The following TRIM56 variants were observed in gnomAD, a reference collection of about 807,000 sequenced individuals.
TRIM56 encodes the protein E3 ubiquitin-protein ligase TRIM56.
Under a neutral mutation model 17.1 loss-of-function variants are expected in TRIM56, and 10 were observed. The observed-to-expected ratio is 0.58, with a 90% CI of 0.36 to 0.99. The LOEUF (loss-of-function observed/expected upper bound fraction) is 0.99, where lower values mean the gene tolerates loss of function less well. Ranked by LOEUF, TRIM56 falls within the 50% of genes least tolerant of loss-of-function variation. The probability of loss-of-function intolerance (pLI) is 0.01; values close to 1 mark genes in which losing one functional copy is unlikely to be tolerated. For synonymous variants in TRIM56, 503 were observed against 473.5 expected, an observed-to-expected ratio of 1.06 and a Z score of -0.81; for missense variants, 923 against 1,052.3, an observed-to-expected ratio of 0.88 and a Z score of 1.70.
chr7:101,088,967 C>A lies in TRIM56; in HGVS notation c.1655C>A (p.Pro552His), dbSNP rs1795512390. The change falls in exon 3 of 3, where the codon CCT (proline) becomes CAT (histidine). Residue 552 changes from proline to histidine, a missense_variant. Transcript: ENST00000306085. Reference sequence around the variant, plus strand: ...GTGCCGGTCCCTGAGGGCTGCTCCCCTTGCAGCGTGGCCGCCCTGCAGAGC... The same window carrying A: ...GTGCCGGTCCCTGAGGGCTGCTCCCATTGCAGCGTGGCCGCCCTGCAGAGC... ...GTVPVPEGCSPCSVAALQSAV... is the reference protein window; with the variant it reads ...GTVPVPEGCSHCSVAALQSAV... The A allele has an allele frequency of 1.2e-6, 2 of 1,612,526 alleles. No individual in the cohort carries two copies. Among genetic ancestry groups the A allele is most frequent in the South Asian group, 1.1e-5 (1 of 91,088 alleles).
In TRIM56 at chr7:101,091,033, G is replaced by A. The variant is rs1300642459; in HGVS notation, c.*1453G>A. On this transcript the variant is annotated 3_prime_UTR_variant, in exon 3 of 3. Transcript: ENST00000306085. Reference sequence around the variant, plus strand: ...TGGAGGTGCCAAGAAAACCTAGAAGGTGCAATGGGGCTGCGACGGATAGAG... The same window carrying A: ...TGGAGGTGCCAAGAAAACCTAGAAGATGCAATGGGGCTGCGACGGATAGAG... 6.6e-6 allele frequency: 1 copy of A among 152,276 alleles called. No individual in the cohort carries two copies. Among genetic ancestry groups the A allele is most frequent in the Non-Finnish European group, 1.5e-5 (1 of 68,092 alleles). 9.4% of individuals were successfully genotyped at this position (152,276 alleles called of 1,614,324 possible).
In TRIM56 at chr7:101,096,027, A is replaced by G. The variant is rs1375320619; in HGVS notation, c.*6447A>G. 1 of 152,174 alleles carries G rather than the reference A, an allele frequency of 6.6e-6. No individual in the cohort carries two copies. Among genetic ancestry groups the G allele is most frequent in the African/African-American group, 2.4e-5 (1 of 41,428 alleles). 9.4% of individuals were successfully genotyped at this position (152,174 alleles called of 1,614,324 possible). Reference sequence around the variant, plus strand: ...ACATGGTGAAACCCCCATCTCTACTAAAAATACAAAAATTAGCCAGGCGTG... The same window carrying G: ...ACATGGTGAAACCCCCATCTCTACTGAAAATACAAAAATTAGCCAGGCGTG... On this transcript the variant is annotated 3_prime_UTR_variant, in exon 3 of 3. Coordinates refer to ENST00000306085, the MANE Select transcript of TRIM56 (RefSeq NM_030961.3).
At position 101,091,544 on chromosome 7, in the gene TRIM56, T is replaced by C; in HGVS notation, c.*1964T>C. The C allele has an allele frequency of 3.0e-6, 1 of 327,982 alleles. No individual in the cohort carries two copies. The highest frequency in any genetic ancestry group is 2.3e-5 in the South Asian group (1 of 44,064). 20.3% of individuals were successfully genotyped at this position (327,982 alleles called of 1,614,324 possible). ...GAGTTCGAGACCAGCCTGGCCAACATGGAGAAACCCCATCTCTACTAAAAA... is the reference window on the plus strand; with the variant it reads ...GAGTTCGAGACCAGCCTGGCCAACACGGAGAAACCCCATCTCTACTAAAAA... On this transcript the variant is annotated 3_prime_UTR_variant, in exon 3 of 3. Transcript: ENST00000306085.
rs776799116 is a variant in TRIM56, at chr7:101,087,741, C to A, written c.429C>A (p.Thr143=). The stretch of plus-strand genomic sequence containing the variant: ...ACCGCTGCACCCGCCAGACCCACAC[C>A]CACCGCGTGGTGGACCTGGTGGGCT... The part of the protein sequence containing the change: ...DGHRCTRQTH[T]HRVVDLVGYR... Residue 143 remains threonine, a synonymous_variant, in exon 3 of 3, where the codon ACC becomes ACA. Coordinates refer to ENST00000306085, the MANE Select transcript of TRIM56 (RefSeq NM_030961.3). 1 of 1,602,554 alleles carries A rather than the reference C, an allele frequency of 6.2e-7. No homozygotes were observed. Among genetic ancestry groups the A allele is most frequent in the Non-Finnish European group, 8.5e-7 (1 of 1,175,730 alleles).
chr7:101,088,806 CA>C lies in TRIM56; in HGVS notation c.1495del (p.Thr499ArgfsTer33), dbSNP rs1562837936. On this transcript the variant is annotated frameshift_variant, in exon 3 of 3. Transcript: ENST00000306085. LOFTEE classifies it high-confidence loss of function. ...GACCCATCTTTTACTGCAGTTTCCC[CA>C]CGCGGATGCCTGGAGACAAGCGGTC... ...PRPIFYCSFP[T>X]RMPGDKRSPR... 4 of 1,613,728 alleles carry C rather than the reference CA, an allele frequency of 2.5e-6. No individual in the cohort carries two copies. The South Asian group carries it at 4.4e-5, about 18-fold the overall frequency.
rs1395851701 is a variant in TRIM56, at chr7:101,087,763, G to A, written c.451G>A (p.Gly151Ser). The A allele has an allele frequency of 6.2e-7, 1 of 1,606,196 alleles. No homozygotes were observed. The highest frequency in any genetic ancestry group is 1.7e-5 in the Admixed American group (1 of 59,652). Reference sequence around the variant, plus strand: ...CACCCACCGCGTGGTGGACCTGGTGGGCTACAGGGCCGGGTGGTATGATGA... The same window carrying A: ...CACCCACCGCGTGGTGGACCTGGTGAGCTACAGGGCCGGGTGGTATGATGA... ...THTHRVVDLV[G>S]YRAGWYDEEA... The change falls in exon 3 of 3, where the codon GGC becomes AGC. Residue 151 changes from glycine to serine, a missense_variant. Around this residue, in one of 3 missense-constraint regions of TRIM56, gnomAD observed 643 missense variants for 665.6 expected, o/e 0.97. Coordinates refer to ENST00000306085, the MANE Select transcript of TRIM56 (RefSeq NM_030961.3).
At position 101,087,534 on chromosome 7, in the gene TRIM56, G is replaced by C. The variant is rs771335768; in HGVS notation, c.222G>C (p.Lys74Asn). The C allele has an allele frequency of 6.2e-7, 1 of 1,613,310 alleles. No individual in the cohort carries two copies. Among genetic ancestry groups the C allele is most frequent in the African/African-American group, 1.3e-5 (1 of 75,042 alleles). The change falls in exon 3 of 3, where the codon AAG becomes AAC. Residue 74 changes from lysine (K) to asparagine (N), a missense_variant. Physicochemically the swap from Lys to Asn is moderately conservative, Grantham distance 94 (BLOSUM62 0). This residue lies in a region of TRIM56 where 98 missense variants were observed against 143.6 expected (regional missense o/e 0.68). Transcript: ENST00000306085. ...CGCCCGAGGGTGTGGCCTCCTTCAA[G>C]ACCAACTTCTTCGTCAATGGGCTGC... is the stretch of plus-strand genomic sequence containing the variant. ...PVPPEGVASF[K>N]TNFFVNGLLD...
rs956067296 is a variant in TRIM56, at chr7:101,092,918, T to G, written c.*3338T>G. The G allele has an allele frequency of 2.2e-5, 4 of 182,520 alleles. No individual in the cohort carries two copies. The highest frequency in any genetic ancestry group is 2.2e-5 in the Non-Finnish European group (2 of 90,610). 11.3% of individuals were successfully genotyped at this position (182,520 alleles called of 1,614,324 possible). A position where few individuals can be genotyped will look rare whatever the true frequency, so the allele number is the denominator to read the frequency against. ...AAAAGGGGGAAAGGTGGGGAAAAGATAGAGAAATCAGATTGTTGCCGTGTC... is the reference window on the plus strand; with the variant it reads ...AAAAGGGGGAAAGGTGGGGAAAAGAGAGAGAAATCAGATTGTTGCCGTGTC... On this transcript the variant is annotated 3_prime_UTR_variant, in exon 3 of 3. Coordinates refer to ENST00000306085, the MANE Select transcript of TRIM56 (RefSeq NM_030961.3).
rs749169864 is a variant in TRIM56, at chr7:101,089,610, G to A, written c.*30G>A. 2 of 1,576,704 alleles carry A rather than the reference G, an allele frequency of 1.3e-6. No homozygotes were observed. The highest frequency in any genetic ancestry group is 1.7e-6 in the Non-Finnish European group (2 of 1,155,398). On this transcript the variant is annotated 3_prime_UTR_variant, in exon 3 of 3. Transcript: ENST00000306085. ...GCTAGGACTAGGGTGAGAGGGAGTG[G>A]GGAGGGAGAGGGCAGGAAGGAGGCA...
chr7:101,090,519 G>A lies in TRIM56; in HGVS notation c.*939G>A, dbSNP rs1358612580. 6.7e-6 allele frequency: 1 copy of A among 149,720 alleles called. No individual in the cohort carries two copies. The highest frequency in any genetic ancestry group is 2.5e-5 in the African/African-American group (1 of 40,614). The allele number at this position is 149,720 out of a possible 1,614,324, so 9.3% of individuals were successfully genotyped here. A position where few individuals can be genotyped will look rare whatever the true frequency, so the allele number is the denominator to read the frequency against. ...TATGCCTTTCAACGTAGCTACTCAGGAGGCTGAGGTGGGAGGATCCCTTGA... is the reference window on the plus strand; with the variant it reads ...TATGCCTTTCAACGTAGCTACTCAGAAGGCTGAGGTGGGAGGATCCCTTGA... On this transcript the variant is annotated 3_prime_UTR_variant, in exon 3 of 3. Transcript: ENST00000306085.
At position 101,089,390 on chromosome 7, in the gene TRIM56, T is replaced by C; in HGVS notation, c.2078T>C (p.Phe693Ser). ...SVSVDKKGYI[F>S]LTLREVNKVV... ...TCTGTGGATAAGAAGGGCTACATCT[T>C]TCTGACCCTTCGAGAAGTCAACAAG... Residue 693 changes from phenylalanine (F) to serine (S), a missense_variant, in exon 3 of 3, where the codon TTT becomes TCT. This residue lies in a region of TRIM56 where 182 missense variants were observed against 243.1 expected (regional missense o/e 0.75). Coordinates refer to ENST00000306085, the MANE Select transcript of TRIM56 (RefSeq NM_030961.3). 1 of 1,614,004 alleles carries C rather than the reference T, an allele frequency of 6.2e-7. No homozygotes were observed. Among genetic ancestry groups the C allele is most frequent in the Non-Finnish European group, 8.5e-7 (1 of 1,179,878 alleles).
In TRIM56 at chr7:101,087,013, A is replaced by G; in HGVS notation, c.-157A>G. 1 of 391,848 alleles carries G rather than the reference A, an allele frequency of 2.6e-6. No individual in the cohort carries two copies. 24.3% of individuals were successfully genotyped at this position (391,848 alleles called of 1,614,324 possible). A position where few individuals can be genotyped will look rare whatever the true frequency, so the allele number is the denominator to read the frequency against. On this transcript the variant is annotated 5_prime_UTR_variant, in exon 2 of 3. Transcript: ENST00000306085. ...GACTCCTGGTCTTGTCAGTTCTCACAGGTCTGACCCAACAAGTAGCACTGA... is the reference window on the plus strand; with the variant it reads ...GACTCCTGGTCTTGTCAGTTCTCACGGGTCTGACCCAACAAGTAGCACTGA...
rs768210463 is a variant in TRIM56 at position 101,087,596 on chromosome 7, G to A, written c.284G>A (p.Arg95His). The change falls in exon 3 of 3, where the codon CGT (arginine) becomes CAT (histidine). Residue 95 changes from arginine (R) to histidine (H), a missense_variant. Around this residue, in one of 3 missense-constraint regions of TRIM56, gnomAD observed 98 missense variants for 143.6 expected, o/e 0.68. Coordinates refer to ENST00000306085, the MANE Select transcript of TRIM56 (RefSeq NM_030961.3). ...AAGGCCCGGGCCTGTGGAGACCTGC[G>A]TGCCGGGAAGCCAGCCTGTGCCCTG... ...LVKARACGDL[R>H]AGKPACALCP... The A allele has an allele frequency of 8.1e-6, 13 of 1,612,316 alleles. No homozygotes were observed. The highest frequency in any genetic ancestry group is 1.3e-5 in the African/African-American group (1 of 74,906).
rs766393585 is a variant in TRIM56, at chr7:101,089,541, G to T, written c.2229G>T (p.Gly743=). 22 of 1,614,180 alleles carry T rather than the reference G, an allele frequency of 1.4e-5. No individual in the cohort carries two copies. The Admixed American group carries it at 3.3e-4, about 24-fold the overall frequency. The change falls in exon 3 of 3, where the codon GGG becomes GGT. Residue 743 remains glycine (G), a synonymous_variant. Transcript: ENST00000306085. Reference sequence around the variant, plus strand: ...ACCTGGTCGTGTCCCTCAGTAACGGGACCATCCACATCTTTCGGGTCCGTT... The same window carrying T: ...ACCTGGTCGTGTCCCTCAGTAACGGTACCATCCACATCTTTCGGGTCCGTT... ...GRYLVVSLSN[G]TIHIFRVRSP...
rs766646612 is a variant in TRIM56 at position 101,087,484 on chromosome 7, G to A, written c.172G>A (p.Glu58Lys). 46 of 1,613,416 alleles carry A rather than the reference G, an allele frequency of 2.9e-5. 1 individual carries two copies. Among genetic ancestry groups the A allele is most frequent in the African/African-American group, 9.3e-5 (7 of 74,932 alleles). ...GGATGGCGGCCGCGTCCGCTGCCCCGAGTGCCGCGAGACAGTGCCTGTGCC... is the reference window on the plus strand; with the variant it reads ...GGATGGCGGCCGCGTCCGCTGCCCCAAGTGCCGCGAGACAGTGCCTGTGCC... ...LADGGRVRCP[E>K]CRETVPVPPE... Residue 58 changes from glutamate to lysine, a missense_variant, in exon 3 of 3, where the codon GAG (glutamate) becomes AAG (lysine). Around this residue, in one of 3 missense-constraint regions of TRIM56, gnomAD observed 98 missense variants for 143.6 expected, o/e 0.68. Coordinates refer to ENST00000306085, the MANE Select transcript of TRIM56 (RefSeq NM_030961.3).
At position 101,092,547 on chromosome 7, in the gene TRIM56, C is replaced by T. The variant is rs985892967; in HGVS notation, c.*2967C>T. ...GTCTGAGAAGTGAGGAGCCCCTCCG[C>T]CCGGCAGCCGCCCCGTCCGGGAGGG... On this transcript the variant is annotated 3_prime_UTR_variant, in exon 3 of 3. Transcript: ENST00000306085. 5.2e-3 allele frequency: 838 copies of T among 162,332 alleles called. 6 individuals are homozygous for T. Among genetic ancestry groups the T allele is most frequent in the Non-Finnish European group, 8.1e-3 (615 of 75,614 alleles). 10.1% of individuals were successfully genotyped at this position (162,332 alleles called of 1,614,324 possible).
rs1056860151 is a variant in TRIM56 at position 101,089,968 on chromosome 7, G to T, written c.*388G>T. On this transcript the variant is annotated 3_prime_UTR_variant, in exon 3 of 3. Transcript: ENST00000306085. ...AGCCGAGGGAGAGTCTTGGGGCCAA[G>T]AAGGGCCCAGGGTGGGTCAGGCGTG... is the stretch of plus-strand genomic sequence containing the variant. The T allele has an allele frequency of 1.4e-5, 3 of 207,866 alleles. No homozygotes were observed. The highest frequency in any genetic ancestry group is 3.2e-5 in the Non-Finnish European group (3 of 93,576). The allele number at this position is 207,866 out of a possible 1,614,324, so 12.9% of individuals were successfully genotyped here.
Position 101,087,952 on chromosome 7 carries a change from C to A in TRIM56, c.640C>A (p.Pro214Thr), listed in dbSNP as rs1252876078. 1 of 1,598,298 alleles carries A rather than the reference C, an allele frequency of 6.3e-7. No individual in the cohort carries two copies. The highest frequency in any genetic ancestry group is 8.5e-7 in the Non-Finnish European group (1 of 1,177,290). ...GGCTGAAGCTGTGCGTGCCCGGAGG[C>A]CGGGCCTGGAGGGACTGCTGGCCGG... ...PLAEAVRARR[P>T]GLEGLLAGVD... Residue 214 changes from proline to threonine, a missense_variant, in exon 3 of 3, where the codon CCG becomes ACG. Pro to Thr is a conservative substitution (Grantham distance 38). Transcript: ENST00000306085.
chr7:101,087,797 G>A lies in TRIM56; in HGVS notation c.485G>A (p.Arg162Gln), dbSNP rs755645354. The change falls in exon 3 of 3, where the codon CGG becomes CAG. Residue 162 changes from arginine (R) to glutamine (Q), a missense_variant. Physicochemically the swap from Arg to Gln is conservative, Grantham distance 43 (BLOSUM62 1). This residue lies in a region of TRIM56 where 643 missense variants were observed against 665.6 expected (regional missense o/e 0.97). Transcript: ENST00000306085. ...GCCGGGTGGTATGATGAGGAGGCCC[G>A]GGAGCGCCAAGCGGCCCAGTGTCCC... Reference protein sequence around the residue: ...YRAGWYDEEARERQAAQCPQH... With the variant: ...YRAGWYDEEAQERQAAQCPQH... The A allele has an allele frequency of 5.6e-6, 9 of 1,606,362 alleles. No homozygotes were observed. Among genetic ancestry groups the A allele is most frequent in the South Asian group, 4.4e-5 (4 of 90,606 alleles).
Sources: gnomAD v4.1 joint callset for allele counts on GRCh38, gnomAD v4.1.1 for gene constraint, gnomAD v4.1.1 regional missense constraint, MANE v1.5 for transcripts, NCBI Gene and HGNC (gene_info 2026-07-23, HGNC 2026-07-21) for gene names.